PIEZO2: variants seen among roughly 807,000 people sequenced by gnomAD.
The protein encoded by PIEZO2 is piezo type mechanosensitive ion channel component 2.
A neutral mutation model predicts 337.3 loss-of-function variants in PIEZO2; 172 were observed. That is an observed-to-expected ratio of 0.51 (90% CI 0.45 to 0.58). The LOEUF (loss-of-function observed/expected upper bound fraction) is 0.58. Among genes scored for constraint, PIEZO2 ranks in the 20% least tolerant of loss-of-function variants. PIEZO2 has a pLI of 0.00. For missense variants in PIEZO2, 3,028 were observed against 3,391.3 expected, an observed-to-expected ratio of 0.89 and a Z score of 2.66; for synonymous variants, 1,251 against 1,228.5, an observed-to-expected ratio of 1.02 and a Z score of -0.38.
intron 7 of PIEZO2, among the ~76,000 whole-genome samples, chr18:10,811,336 C>T (rs2040183033): frequency 6.6e-6 from 1 of 152,064 alleles, no homozygotes; most frequent in Non-Finnish European, 1.5e-5. Context: ...TTTTGCTGCC[C>T]ATTTTTATTC....
chr18:11,094,840 G>A lies in PIEZO2; in HGVS notation c.65-28618C>T, dbSNP rs138523131. On this transcript the variant is annotated intron_variant, in intron 1 of 55. Coordinates refer to ENST00000674853, the MANE Select transcript of PIEZO2 (RefSeq NM_001378183.1). This position sits in a 1 kb window ranked among gnomAD's most constrained non-coding sequence, Gnocchi z 4.4. ...TTGTAAACATTAGTCTGCAGATTTA[G>A]AAGCACTTAGTAAAATGTCCAGTGA... Among the ~76,000 whole-genome samples, 75 of 152,330 alleles carry A rather than the reference G, an allele frequency of 4.9e-4. No individual in the cohort carries two copies. In the East Asian group the frequency reaches 0.011, roughly 22 times the overall value.
rs942676653 is a variant in PIEZO2 at position 10,767,014 on chromosome 18, C to T, written c.2946+3134G>A. Among the ~76,000 whole-genome samples, 4 of 143,216 alleles carry T rather than the reference C, an allele frequency of 2.8e-5. No homozygotes were observed. The highest frequency in any genetic ancestry group is 2.7e-4 in the Admixed American group (4 of 14,556). 94.0% of individuals were successfully genotyped at this position (143,216 alleles called of 152,430 possible). ...CCTCCCCTCCCCTCCCCTCCCCTTC[C>T]CTCCCCTCCCCTTCCCTTCCTTCTC... is the stretch of plus-strand genomic sequence containing the variant. On this transcript the variant is annotated intron_variant, in intron 21 of 55. Coordinates refer to ENST00000674853, the MANE Select transcript of PIEZO2 (RefSeq NM_001378183.1). This position sits in a 1 kb window ranked among gnomAD's most constrained non-coding sequence, Gnocchi z 4.2.
chr18:11,148,312 CCCGAGCAT>C lies in PIEZO2; in HGVS notation c.64+205_64+212del, dbSNP rs1339292256. Among the ~76,000 whole-genome samples the C allele has an allele frequency of 6.6e-5, 10 of 152,306 alleles. No homozygotes were observed. In the South Asian group the frequency reaches 1.7e-3, roughly 25 times the overall value. The stretch of plus-strand genomic sequence containing the variant: ...TAAACAGTTTCCAGCACATGCCCGT[CCCGAGCAT>C]CCTGTTAAGAGATACCCCGATCGCG... On this transcript the variant is annotated intron_variant, in intron 1 of 55. Transcript: ENST00000674853. The surrounding 1 kb of genome is among the most constrained non-coding windows in gnomAD (Gnocchi z 5.2).
At chr18:10,998,361 C>T (rs1456610030) in intron 2 of PIEZO2, among the ~76,000 whole-genome samples, 2 of 41,344 alleles carry the variant, frequency 4.8e-5, no homozygotes, top group Admixed American at 2.3e-4. Flanking sequence ...TACACATACA[C>T]ACACACACAC....
intron 14 of PIEZO2, 58 bp downstream of exon 14, chr18:10,791,143 T>C: frequency 6.9e-7 from 1 of 1,455,888 alleles, no homozygotes; most frequent in Middle Eastern, 1.9e-4. Context: ...TTTGGGGCTC[T>C]TTCTCTGTAA....
chr18:11,081,887 G>A (rs2038754968), intron 1 of PIEZO2, among the ~76,000 whole-genome samples: 1 of 151,850 alleles, frequency 6.6e-6, no homozygotes, highest in African/African-American at 2.4e-5. Context: ...AGCCTCCCGA[G>A]TAGCTGGGAC....
chr18:10,804,176 A>C (rs1218654290), intron 8 of PIEZO2, among the ~76,000 whole-genome samples, 182 bp from the exon 9 acceptor site: 1 of 152,262 alleles, frequency 6.6e-6, no homozygotes, highest in Non-Finnish European at 1.5e-5. Flanking sequence ...TGTAATTGTA[A>C]GTACACCAGT....
At position 10,982,262 on chromosome 18, in the gene PIEZO2, T is replaced by C. The variant is rs2034696525; in HGVS notation, c.161-2602A>G. On this transcript the variant is annotated intron_variant, in intron 2 of 55. Coordinates refer to ENST00000674853, the MANE Select transcript of PIEZO2 (RefSeq NM_001378183.1). This position sits in a 1 kb window ranked among gnomAD's most constrained non-coding sequence, Gnocchi z 4.1. ...AGGACTAATAAGATAGATGCATATA[T>C]CAAAGGGAGTTTATTAAGGAGTATT... is the stretch of plus-strand genomic sequence containing the variant. 6.6e-6 allele frequency among the ~76,000 whole-genome samples: 1 copy of C among 152,156 alleles called. No individual in the cohort carries two copies. Among genetic ancestry groups the C allele is most frequent in the Admixed American group, 6.5e-5 (1 of 15,276 alleles).
Position 10,759,907 on chromosome 18 carries a change from G to A in PIEZO2, c.3453C>T (p.Thr1151=). 6.5e-7 allele frequency: 1 copy of A among 1,536,992 alleles called. No homozygotes were observed. Among genetic ancestry groups the A allele is most frequent in the Non-Finnish European group, 8.7e-7 (1 of 1,146,546 alleles). Residue 1151 remains threonine (T), a splice_region_variant and synonymous_variant, in exon 25 of 56, where the codon ACC becomes ACT. Transcript: ENST00000674853. This position sits in a 1 kb window ranked among gnomAD's most constrained non-coding sequence, Gnocchi z 5.5. ...NYFFYKFGLE[T]CFLMSVNVIG... ...TGACGTTAACTGACATTAGGAAACA[G>A]GTCTGTGTAAAGATGAAAAGAGGCA... is the stretch of plus-strand genomic sequence containing the variant.
intron 3 of PIEZO2, among the ~76,000 whole-genome samples, chr18:10,947,500 G>A (rs966109738): frequency 3.9e-5 from 6 of 152,138 alleles, no homozygotes; most frequent in Admixed American, 2.0e-4. Context: ...ATCAAAAAAG[G>A]TGAAGGCCAA....
At chr18:10,865,458 TTC>T (rs1212229840) in intron 5 of PIEZO2, among the ~76,000 whole-genome samples, 1 of 152,092 alleles carries the variant, frequency 6.6e-6, no homozygotes, top group Non-Finnish European at 1.5e-5. Flanking sequence ...GTGGACTGAT[TTC>T]AGACAGAATT....
Position 10,716,110 on chromosome 18 carries a change from C to T in PIEZO2, c.5090-294G>A, listed in dbSNP as rs2036000991. On this transcript the variant is annotated intron_variant, in intron 37 of 55. Coordinates refer to ENST00000674853, the MANE Select transcript of PIEZO2 (RefSeq NM_001378183.1). This position sits in a 1 kb window ranked among gnomAD's most constrained non-coding sequence, Gnocchi z 4.1. ...GCTGACCCTTGAACATGGGTTTGGA[C>T]AGCGTGGATCCACTCTACGCGTGGA... 6.6e-6 allele frequency among the ~76,000 whole-genome samples: 1 copy of T among 152,164 alleles called. No homozygotes were observed. Among genetic ancestry groups the T allele is most frequent in the Admixed American group, 6.5e-5 (1 of 15,272 alleles).
intron 10 of PIEZO2, 105 bp from the exon 11 acceptor site, chr18:10,800,580 T>C (rs1420784697): frequency 2.3e-6 from 3 of 1,292,250 alleles, no homozygotes; most frequent in African/African-American, 1.5e-5. Flanking sequence ...CAGTGAGGAG[T>C]TGATTACAAG....
chr18:11,048,324 G>A lies in PIEZO2; in HGVS notation c.160+17803C>T, dbSNP rs1362249766. ...ACAAGATTGAAAAGACCTGTCTTAC[G>A]GTTACTCATGGCTCTGGGGCCAAGC... is the stretch of plus-strand genomic sequence containing the variant. On this transcript the variant is annotated intron_variant, in intron 2 of 55. Transcript: ENST00000674853. This position sits in a 1 kb window ranked among gnomAD's most constrained non-coding sequence, Gnocchi z 4.5. 1.3e-5 allele frequency among the ~76,000 whole-genome samples: 2 copies of A among 150,782 alleles called. No homozygotes were observed. The highest frequency in any genetic ancestry group is 1.9e-4 in the East Asian group (1 of 5,198).
At position 10,785,000 on chromosome 18, in the gene PIEZO2, C is replaced by T; in HGVS notation, c.2319-43G>A. 6.7e-7 allele frequency: 1 copy of T among 1,501,076 alleles called. No homozygotes were observed. Among genetic ancestry groups the T allele is most frequent in the African/African-American group, 1.4e-5 (1 of 71,796 alleles). 93.0% of individuals were successfully genotyped at this position (1,501,076 alleles called of 1,614,324 possible). ...ATAAAAAGCAGGAACCTCTCTTACG[C>T]AATGAAGTCACAAACTCTTTGTGAT... On this transcript the variant is annotated intron_variant, in intron 16 of 55. Transcript: ENST00000674853. The surrounding 1 kb of genome is among the most constrained non-coding windows in gnomAD (Gnocchi z 4.5).
rs2144027846 is a variant in PIEZO2 at position 10,727,051 on chromosome 18, T to C, written c.5029+4356A>G. ...CGGTCTGGGTGTTTCTTGGGGGGTG[T>C]TGGGAGGGCAGGAGCATTCCTTGAG... On this transcript the variant is annotated intron_variant, in intron 36 of 55. Transcript: ENST00000674853. The surrounding 1 kb of genome is among the most constrained non-coding windows in gnomAD (Gnocchi z 6.3). 3.3e-6 allele frequency: 2 copies of C among 597,224 alleles called. No homozygotes were observed. 37.0% of individuals were successfully genotyped at this position (597,224 alleles called of 1,614,324 possible).
chr18:10,800,886 C>G (rs985938527), intron 10 of PIEZO2, among the ~76,000 whole-genome samples: 1 of 152,330 alleles, frequency 6.6e-6, no homozygotes, highest in African/African-American at 2.4e-5. Context: ...GGGCTGTGGT[C>G]CAACATTGTC....
chr18:10,829,761 A>G (rs939089054), intron 7 of PIEZO2, among the ~76,000 whole-genome samples: 1 of 152,178 alleles, frequency 6.6e-6, no homozygotes, highest in African/African-American at 2.4e-5. Context: ...GATCTCTACA[A>G]TGAAAACTAT....
chr18:10,830,779 A>C lies in PIEZO2; in HGVS notation c.918-23505T>G, dbSNP rs960534349. 5.3e-5 allele frequency among the ~76,000 whole-genome samples: 8 copies of C among 152,232 alleles called. No homozygotes were observed. The highest frequency in any genetic ancestry group is 1.9e-4 in the African/African-American group (8 of 41,464). ...GGGAAAAAATACTTGCAGACCATCC[A>C]TCTGACAAGGAATTAATAATCAGGA... is the stretch of plus-strand genomic sequence containing the variant. On this transcript the variant is annotated intron_variant, in intron 7 of 55. Coordinates refer to ENST00000674853, the MANE Select transcript of PIEZO2 (RefSeq NM_001378183.1). This position sits in a 1 kb window ranked among gnomAD's most constrained non-coding sequence, Gnocchi z 4.7.
Sources: allele counts gnomAD v4.1 joint callset (sites outside exome capture counted in the v4.1 genomes callset), GRCh38; gene constraint gnomAD v4.1.1; non-coding constraint Gnocchi (gnomAD v3.1); transcripts MANE v1.5; gene names NCBI Gene and HGNC (gene_info 2026-07-23, HGNC 2026-07-21).